The following LRRC49 variants were observed in gnomAD, a reference collection of about 807,000 sequenced individuals.
LRRC49 encodes the protein leucine-rich repeat-containing protein 49.
In LRRC49, 50 loss-of-function variants were observed where a neutral mutation model predicts 83.3. That is an observed-to-expected ratio of 0.60 (90% CI 0.48 to 0.76). LRRC49 has a LOEUF of 0.76. Among genes scored for constraint, LRRC49 ranks in the 30% least tolerant of loss-of-function variants. The probability of loss-of-function intolerance (pLI) is 0.00; values close to 1 mark genes in which losing one functional copy is unlikely to be tolerated. For missense variants in LRRC49, 704 were observed against 809.1 expected, an observed-to-expected ratio of 0.87 and a Z score of 1.58; for synonymous variants, 286 against 283.3, an observed-to-expected ratio of 1.01 and a Z score of -0.10.
rs1287905476 is a variant in LRRC49 at position 70,963,769 on chromosome 15, T to A, written c.774-16T>A. On this transcript the variant is annotated splice_polypyrimidine_tract_variant and intron_variant, in intron 8 of 15. Coordinates refer to ENST00000260382, the MANE Select transcript of LRRC49 (RefSeq NM_017691.5). ...AAGGCCTCAGAATAATCCAGTGGTT[T>A]CTGTCTCTCCTGCAGTTTTGACAGT... 1.2e-6 allele frequency: 2 copies of A among 1,610,214 alleles called. No individual in the cohort carries two copies. Among genetic ancestry groups the A allele is most frequent in the Non-Finnish European group, 1.7e-6 (2 of 1,177,910 alleles).
intron 3 of LRRC49, chr15:70,898,559 G>C (rs2033933308): frequency 1.8e-6 from 1 of 562,348 alleles, no homozygotes; most frequent in Non-Finnish European, 3.1e-6. Flanking sequence ...TGGATTGCTT[G>C]AGCCCAGGAG....
At chr15:71,005,692 ATTTAGTGG>A (rs2038432403) in intron 11 of LRRC49, among the ~76,000 whole-genome samples, 1 of 152,158 alleles carries the variant, frequency 6.6e-6, no homozygotes, top group African/African-American at 2.4e-5. Flanking sequence ...AATACAGATG[ATTTAGTGG>A]CATGTGCCAG....
At chr15:70,958,990 G>A (rs2141190812) in intron 8 of LRRC49, among the ~76,000 whole-genome samples, 1 of 152,174 alleles carries the variant, frequency 6.6e-6, no homozygotes, top group East Asian at 1.9e-4. Context: ...ATATCATCTA[G>A]CTTTTCTTGA....
At chr15:70,930,042 A>T (rs1395456293) in intron 7 of LRRC49, among the ~76,000 whole-genome samples, 6 of 152,164 alleles carry the variant, frequency 3.9e-5, no homozygotes, top group Admixed American at 3.9e-4. Context: ...CCTCCCATGA[A>T]TCATGAATGT....
At chr15:70,893,419 T>G (rs935550040) in intron 1 of LRRC49, 165 bp from the exon 2 acceptor site, 2 of 634,126 alleles carry the variant, frequency 3.2e-6, no homozygotes, top group Admixed American at 6.1e-5. Context: ...TAGATGTGAT[T>G]TTATTGTTTT....
rs373621383 is a variant in LRRC49 at position 70,923,351 on chromosome 15, G to T, written c.711+4158G>T. Among the ~76,000 whole-genome samples the T allele has an allele frequency of 2.0e-4, 30 of 151,986 alleles. No homozygotes were observed. The East Asian group carries it at 2.5e-3, about 13-fold the overall frequency. On this transcript the variant is annotated intron_variant, in intron 7 of 15. Coordinates refer to ENST00000260382, the MANE Select transcript of LRRC49 (RefSeq NM_017691.5). ...TCTATAGTTGATGCTTACTATCAAT[G>T]TATTTGTCTAGTATTTGTCAGTATT...
At chr15:70,929,709 CA>C (rs1462862771) in intron 7 of LRRC49, among the ~76,000 whole-genome samples, 3 of 152,192 alleles carry the variant, frequency 2.0e-5, no homozygotes, top group Non-Finnish European at 4.4e-5. Flanking sequence ...GGTGCTTTAT[CA>C]ACTAAGTTAA....
intron 9 of LRRC49, among the ~76,000 whole-genome samples, chr15:70,972,198 G>A (rs576639104): frequency 6.6e-6 from 1 of 152,252 alleles, no homozygotes; most frequent in East Asian, 1.9e-4. Context: ...AAATACCTCA[G>A]CATTTGCTTG....
At chr15:70,891,952 G>T, upstream of LRRC49, 1 of 1,613,622 alleles carries the variant, frequency 6.2e-7, no homozygotes, top group Non-Finnish European at 8.5e-7. Flanking sequence ...TGTCCAGGCG[G>T]CCTGCTTGGT....
intron 4 of LRRC49, 138 bp from the exon 5 acceptor site, chr15:70,904,414 G>T: frequency 1.7e-6 from 1 of 576,396 alleles, no homozygotes; most frequent in Non-Finnish European, 3.1e-6. Context: ...AGGTCGCTTA[G>T]TTCATGGGGG....
intron 11 of LRRC49, among the ~76,000 whole-genome samples, chr15:70,987,244 G>A (rs1006931808): frequency 1.4e-3 from 218 of 152,176 alleles, no homozygotes; most frequent in Admixed American, 4.9e-3. Flanking sequence ...GGTAGAATTC[G>A]GCTGTGAATC....
chr15:70,865,881 G>A (rs190174115), intron 1 of LRRC49, among the ~76,000 whole-genome samples: 2 of 152,224 alleles, frequency 1.3e-5, no homozygotes, highest in East Asian at 3.9e-4. Context: ...TGGTTGCAAG[G>A]CATAGAGTGA....
chr15:70,963,255 G>A (rs2036670888), intron 8 of LRRC49, among the ~76,000 whole-genome samples: 1 of 131,922 alleles, frequency 7.6e-6, no homozygotes, highest in Non-Finnish European at 1.6e-5. Context: ...CAGCCTGGAT[G>A]ACAGAGTGAG....
intron 9 of LRRC49, among the ~76,000 whole-genome samples, chr15:70,970,151 A>G (rs2036942297): frequency 2.0e-5 from 3 of 152,184 alleles, no homozygotes; most frequent in Non-Finnish European, 4.4e-5. Context: ...GATATGTTCC[A>G]TCAATACCTA....
At chr15:70,965,706 C>T (rs918045791) in intron 9 of LRRC49, among the ~76,000 whole-genome samples, 1 of 152,074 alleles carries the variant, frequency 6.6e-6, no homozygotes, top group Non-Finnish European at 1.5e-5. Flanking sequence ...TCATATTTAT[C>T]TCTTTATTGA....
intron 3 of LRRC49, among the ~76,000 whole-genome samples, chr15:70,899,445 G>T (rs149225668): frequency 6.6e-6 from 1 of 151,804 alleles, no homozygotes; most frequent in Admixed American, 6.6e-5. Context: ...CTGACTTGTG[G>T]TTGCTTTTAG....
intron 14 of LRRC49, among the ~76,000 whole-genome samples, chr15:71,014,960 A>G (rs989725666): frequency 1.3e-5 from 2 of 152,210 alleles, no homozygotes; most frequent in African/African-American, 2.4e-5. Flanking sequence ...TCAAACATCT[A>G]TGGAATGTTT....
upstream of LRRC49, chr15:70,892,440 C>G (rs1037276768): frequency 6.5e-7 from 1 of 1,535,594 alleles, no homozygotes; most frequent in African/African-American, 1.4e-5. Context: ...ATCTGGGGCC[C>G]CCAATGGGAG....
At chr15:70,954,424 T>G (rs2036326881) in intron 8 of LRRC49, among the ~76,000 whole-genome samples, 1 of 152,194 alleles carries the variant, frequency 6.6e-6, no homozygotes, top group Non-Finnish European at 1.5e-5. Flanking sequence ...ATTCTCTGCC[T>G]GGCATTTCAG....
Sources: gnomAD v4.1 joint callset for allele counts (sites outside exome capture counted in the v4.1 genomes callset) on GRCh38, gnomAD v4.1.1 for gene constraint, MANE v1.5 for transcripts, NCBI Gene and HGNC (gene_info 2026-07-23, HGNC 2026-07-21) for gene names.